NCKAP5: variants seen among roughly 807,000 people sequenced by gnomAD.
NCKAP5 encodes nck-associated protein 5.
Under a neutral mutation model 167.0 loss-of-function variants are expected in NCKAP5, and 92 were observed. The observed-to-expected ratio is 0.55, with a 90% confidence interval of 0.47 to 0.66. NCKAP5 has a LOEUF of 0.66. Ranked by LOEUF, NCKAP5 falls within the 30% of genes least tolerant of loss-of-function variation. The pLI is 0.00. For synonymous variants in NCKAP5, 891 were observed against 877.4 expected, an observed-to-expected ratio of 1.02 and a Z score of -0.27; for missense variants, 2,378 against 2,315.0, an observed-to-expected ratio of 1.03 and a Z score of -0.56.
intron 4 of NCKAP5, among the ~76,000 whole-genome samples, chr2:133,245,083 A>C (rs1174354533): frequency 6.6e-6 from 1 of 152,176 alleles, no homozygotes; most frequent in Non-Finnish European, 1.5e-5. Flanking sequence ...TGCTGGTGGG[A>C]GTGTAAACTG....
At chr2:133,085,005 G>A (rs1218637306) in intron 6 of NCKAP5, among the ~76,000 whole-genome samples, 1 of 152,098 alleles carries the variant, frequency 6.6e-6, no homozygotes, top group Non-Finnish European at 1.5e-5. Flanking sequence ...TAGGTCTCCT[G>A]CATATTCTTC....
At chr2:133,548,567 C>T (rs1686969583) in intron 2 of NCKAP5, among the ~76,000 whole-genome samples, 1 of 151,744 alleles carries the variant, frequency 6.6e-6, no homozygotes, top group Non-Finnish European at 1.5e-5. Flanking sequence ...GAGTGGGGGC[C>T]AATATTCAAC....
chr2:133,388,469 A>C (rs998787613), intron 3 of NCKAP5, among the ~76,000 whole-genome samples: 2 of 152,210 alleles, frequency 1.3e-5, no homozygotes, highest in African/African-American at 4.8e-5. Flanking sequence ...TGCCTCCCAG[A>C]TAGGCTACTC....
At chr2:133,555,739 A>G (rs1049564646) in intron 2 of NCKAP5, among the ~76,000 whole-genome samples, 3 of 152,224 alleles carry the variant, frequency 2.0e-5, no homozygotes, top group South Asian at 4.1e-4. Flanking sequence ...GAGATACTCT[A>G]TTATTGCTAT....
intron 11 of NCKAP5, among the ~76,000 whole-genome samples, chr2:132,799,405 T>C (rs188097556): frequency 6.6e-6 from 1 of 152,112 alleles, no homozygotes; most frequent in East Asian, 1.9e-4. Flanking sequence ...AAATAAAAGG[T>C]GAAGTTAAAT....
At chr2:132,976,793 AAAAC>A (rs1040160281) in intron 7 of NCKAP5, among the ~76,000 whole-genome samples, 41 of 152,004 alleles carry the variant, frequency 2.7e-4, no homozygotes, top group African/African-American at 9.9e-4. Flanking sequence ...TAAAAATTCT[AAAAC>A]AAAATAAAAA....
At chr2:133,585,364 T>C in the NCKAP5 span, among the ~76,000 whole-genome samples, 3 of 152,230 alleles carry the variant, frequency 2.0e-5, no homozygotes, top group Non-Finnish European at 2.9e-5. Flanking sequence ...AGCTGGATTG[T>C]CAACTTAAAC....
chr2:133,275,712 T>G (rs2089697592), intron 4 of NCKAP5, among the ~76,000 whole-genome samples: 1 of 151,140 alleles, frequency 6.6e-6, no homozygotes, highest in Admixed American at 6.6e-5. Context: ...TAAATAAAAT[T>G]TCAGCTCAAA....
At chr2:133,427,898 A>G (rs1157152525) in intron 3 of NCKAP5, among the ~76,000 whole-genome samples, 1 of 152,148 alleles carries the variant, frequency 6.6e-6, no homozygotes, top group Non-Finnish European at 1.5e-5. Context: ...TGATGCATCT[A>G]GGAATAAATT....
intron 3 of NCKAP5, among the ~76,000 whole-genome samples, chr2:133,375,340 C>T (rs1364829768): frequency 6.6e-6 from 1 of 152,178 alleles, no homozygotes; most frequent in Non-Finnish European, 1.5e-5. Flanking sequence ...GATCAGAACA[C>T]TGTGACATGA....
intron 2 of NCKAP5, among the ~76,000 whole-genome samples, chr2:133,521,844 A>G (rs527405890): frequency 6.6e-6 from 1 of 152,346 alleles, no homozygotes; most frequent in South Asian, 2.1e-4. Context: ...ATTTTCAGTC[A>G]GGTTTCAAAT....
intron 7 of NCKAP5, among the ~76,000 whole-genome samples, chr2:132,985,375 G>T (rs748867132): frequency 4.6e-5 from 7 of 152,114 alleles, no homozygotes; most frequent in Non-Finnish European, 1.0e-4. Context: ...TCCTTTCAAA[G>T]TATTTAACAT....
the NCKAP5 span, among the ~76,000 whole-genome samples, chr2:133,599,337 T>A: frequency 6.6e-6 from 1 of 152,150 alleles, no homozygotes; most frequent in African/African-American, 2.4e-5. Context: ...AGTACGGAGA[T>A]CAGATACTGG....
At chr2:132,697,577 G>A (rs1256799887) in intron 19 of NCKAP5, among the ~76,000 whole-genome samples, 1 of 149,384 alleles carries the variant, frequency 6.7e-6, no homozygotes, top group Non-Finnish European at 1.5e-5. Context: ...CCTTTCTAGA[G>A]GCTACTGTGG....
intron 4 of NCKAP5, among the ~76,000 whole-genome samples, chr2:133,275,084 GA>G (rs936796984): frequency 1.3e-5 from 2 of 149,790 alleles, no homozygotes; most frequent in Non-Finnish European, 3.0e-5. Context: ...GGGAAAAAGT[GA>G]AAAAAAAAGT....
chr2:132,867,406 T>C (rs1690440517), intron 10 of NCKAP5, among the ~76,000 whole-genome samples: 1 of 152,216 alleles, frequency 6.6e-6, no homozygotes, highest in Non-Finnish European at 1.5e-5. Flanking sequence ...CCAATATCTA[T>C]TTCTCACCTT....
chr2:132,767,145 G>A (rs1473450696), intron 16 of NCKAP5, among the ~76,000 whole-genome samples: 1 of 152,196 alleles, frequency 6.6e-6, no homozygotes, highest in Non-Finnish European at 1.5e-5. Flanking sequence ...GTTCACTGAA[G>A]TAGGCTTGAT....
intron 3 of NCKAP5, among the ~76,000 whole-genome samples, chr2:133,464,623 G>C (rs1423170587): frequency 6.6e-6 from 1 of 152,202 alleles, no homozygotes; most frequent in East Asian, 1.9e-4. Flanking sequence ...CTGGGAGGCA[G>C]AGCTTTCAGT....
intron 19 of NCKAP5, among the ~76,000 whole-genome samples, chr2:132,674,714 G>A (rs1684204649): frequency 2.0e-5 from 3 of 152,164 alleles, no homozygotes; most frequent in Admixed American, 2.0e-4. Flanking sequence ...GAAGTGGATG[G>A]CTTCTGTGTT....
Sources: allele counts gnomAD v4.1 joint callset (sites outside exome capture counted in the v4.1 genomes callset), GRCh38; gene constraint gnomAD v4.1.1; transcripts MANE v1.5; gene names NCBI Gene and HGNC (gene_info 2026-07-23, HGNC 2026-07-21).